The following ASCC3 variants were observed in gnomAD, a reference collection of about 807,000 sequenced individuals.
The protein encoded by ASCC3 is activating signal cointegrator 1 complex subunit 3.
A neutral mutation model predicts 256.3 loss-of-function variants in ASCC3; 158 were observed. The ratio of observed to expected loss-of-function variants is 0.62; its 90% CI spans 0.54 to 0.70. The LOEUF (loss-of-function observed/expected upper bound fraction) is 0.70, where lower values mean the gene tolerates loss of function less well. Ranked by LOEUF, ASCC3 falls within the 30% of genes least tolerant of loss-of-function variation. The pLI is 0.00. For synonymous variants in ASCC3, 948 were observed against 883.4 expected (o/e 1.07, Z -1.30); for missense variants, 2,259 against 2,626.0 (o/e 0.86, Z 3.05).
chr6:100,525,926 T>G (rs1443329328), intron 37 of ASCC3, among the ~76,000 whole-genome samples: 1 of 152,078 alleles, frequency 6.6e-6, no homozygotes, highest in Non-Finnish European at 1.5e-5. Flanking sequence ...CTCCCAGAAG[T>G]TTTACAATGA....
chr6:100,827,981 A>G (rs1354157310), intron 4 of ASCC3, among the ~76,000 whole-genome samples: 1 of 151,890 alleles, frequency 6.6e-6, no homozygotes, highest in African/African-American at 2.4e-5. Flanking sequence ...ACAAGGACTG[A>G]TATTAAACAA....
intron 10 of ASCC3, among the ~76,000 whole-genome samples, chr6:100,762,166 C>T (rs1393137900): frequency 6.6e-6 from 1 of 152,188 alleles, no homozygotes; most frequent in Non-Finnish European, 1.5e-5. Context: ...TCCCTCTATC[C>T]TCAAGCAAAA....
chr6:100,631,318 G>C (rs1035683589), intron 25 of ASCC3, 105 bp from the exon 26 acceptor site: 3 of 817,906 alleles, frequency 3.7e-6, no homozygotes, highest in Middle Eastern at 6.3e-4. Flanking sequence ...AGTGTGGTTT[G>C]AAAATGTATC....
At chr6:100,786,485 A>G (rs998576378) in intron 8 of ASCC3, among the ~76,000 whole-genome samples, 1 of 152,160 alleles carries the variant, frequency 6.6e-6, no homozygotes, top group Admixed American at 6.6e-5. Context: ...CCCTTGATTC[A>G]ACATCTGTAA....
intron 30 of ASCC3, among the ~76,000 whole-genome samples, chr6:100,611,356 G>A (rs891872723): frequency 2.0e-5 from 3 of 151,870 alleles, no homozygotes; most frequent in Non-Finnish European, 4.4e-5. Context: ...CTACTAGGAC[G>A]GCCTATACAA....
intron 20 of ASCC3, among the ~76,000 whole-genome samples, chr6:100,648,514 A>G (rs561900731): frequency 2.6e-5 from 4 of 152,164 alleles, no homozygotes; most frequent in African/African-American, 9.6e-5. Context: ...CACATTTTAT[A>G]TAAGATATGC....
chr6:100,613,076 T>A (rs1039294902), intron 30 of ASCC3, among the ~76,000 whole-genome samples: 2 of 151,760 alleles, frequency 1.3e-5, no homozygotes, highest in African/African-American at 2.4e-5. Flanking sequence ...CTTTCTTTTT[T>A]TTTTCAGGAA....
At position 100,650,592 on chromosome 6, in the gene ASCC3, G is replaced by C. The variant is rs1431831579; in HGVS notation, c.3198C>G (p.Ser1066Arg). The C allele has an allele frequency of 6.2e-7, 1 of 1,612,754 alleles. No homozygotes were observed. The highest frequency in any genetic ancestry group is 8.5e-7 in the Non-Finnish European group (1 of 1,179,094). The change falls in exon 20 of 42, where the codon AGC (serine) becomes AGG (arginine). Residue 1066 changes from serine (S) to arginine (R), a missense_variant. Physicochemically the swap from Ser to Arg is moderately radical, Grantham distance 110. This residue lies in a region of ASCC3 where 1,839 missense variants were observed against 2,206.7 expected (regional missense o/e 0.83). Coordinates refer to ENST00000369162, the MANE Select transcript of ASCC3 (RefSeq NM_006828.4). The stretch of plus-strand genomic sequence containing the variant: ...GGGAGAAACTGTCCATTTCTCCTCG[G>C]CTGATATAAGTTTGAAGTAAGATGT... Reference protein sequence around the residue: ...KINILLQTYISRGEMDSFSLI... With the variant: ...KINILLQTYIRRGEMDSFSLI...
chr6:100,642,516 T>C lies in ASCC3; in HGVS notation c.3901+65A>G, dbSNP rs574062552. ...AACTTTATTACGGTGTAGACATTTT[T>C]CAACATTAATTAAAACAACCATTTT... On this transcript the variant is annotated intron_variant, in intron 24 of 41. Transcript: ENST00000369162. 7.1e-6 allele frequency: 11 copies of C among 1,541,390 alleles called. No homozygotes were observed. In the South Asian group the frequency reaches 1.2e-4, roughly 17 times the overall value.
At chr6:100,512,004 A>T (rs2114601639) in intron 40 of ASCC3, among the ~76,000 whole-genome samples, 1 of 152,332 alleles carries the variant, frequency 6.6e-6, no homozygotes, top group South Asian at 2.1e-4. Flanking sequence ...TTATTATGGC[A>T]CTAAAAACCA....
intron 4 of ASCC3, among the ~76,000 whole-genome samples, chr6:100,818,562 C>T (rs1186085689): frequency 8.4e-6 from 1 of 118,464 alleles, no homozygotes; most frequent in Non-Finnish European, 1.8e-5. Context: ...GGGCAAGACT[C>T]CGTCTCAAAA....
intron 37 of ASCC3, among the ~76,000 whole-genome samples, chr6:100,536,356 C>G (rs1293859717): frequency 1.3e-5 from 2 of 152,184 alleles, no homozygotes; most frequent in Admixed American, 6.5e-5. Context: ...CACACATACA[C>G]ACGGGAGGTA....
intron 38 of ASCC3, 84 bp downstream of exon 38, chr6:100,517,907 C>T: frequency 7.0e-7 from 1 of 1,424,432 alleles, no homozygotes; most frequent in Non-Finnish European, 9.7e-7. Context: ...TTCTCCATAA[C>T]ATAAAATTTC....
At chr6:100,523,012 C>T (rs78443382) in intron 37 of ASCC3, among the ~76,000 whole-genome samples, 2 of 147,472 alleles carry the variant, frequency 1.4e-5, no homozygotes, top group East Asian at 4.0e-4. Flanking sequence ...ACTAGATAAA[C>T]TGAAACTTTG....
In ASCC3 at chr6:100,610,155, T is replaced by A. The variant is rs1773321980; in HGVS notation, c.4786-3067A>T. Among the ~76,000 whole-genome samples, 6 of 152,276 alleles carry A rather than the reference T, an allele frequency of 3.9e-5. No homozygotes were observed. In the South Asian group the frequency reaches 1.2e-3, roughly 32 times the overall value. On this transcript the variant is annotated intron_variant, in intron 30 of 41. Transcript: ENST00000369162. ...GGAGAAGTAACTTGGAAATAGTAAA[T>A]GCATAACTTTTATATGCCTGAGATA...
At chr6:100,580,432 T>C (rs796776524) in intron 36 of ASCC3, among the ~76,000 whole-genome samples, 5 of 152,126 alleles carry the variant, frequency 3.3e-5, no homozygotes, top group Admixed American at 6.6e-5. Context: ...AATAATGGGT[T>C]TATATATTTA....
chr6:100,603,167 A>G (rs1017550077), intron 33 of ASCC3, among the ~76,000 whole-genome samples: 1 of 152,130 alleles, frequency 6.6e-6, no homozygotes, highest in African/African-American at 2.4e-5. Flanking sequence ...ACATTAATAG[A>G]GAAATGAATA....
At chr6:100,821,681 G>C (rs891461789) in intron 4 of ASCC3, among the ~76,000 whole-genome samples, 1 of 151,868 alleles carries the variant, frequency 6.6e-6, no homozygotes, top group African/African-American at 2.4e-5. Context: ...AAAGTTAGCT[G>C]GGCGTGGTGG....
intron 10 of ASCC3, among the ~76,000 whole-genome samples, chr6:100,749,399 G>A (rs145374144): frequency 1.9e-3 from 282 of 151,868 alleles, no homozygotes; most frequent in African/African-American, 6.4e-3. Flanking sequence ...GATTAAAAGG[G>A]TATATACTAA....
Sources: gnomAD v4.1 joint callset for allele counts (sites outside exome capture counted in the v4.1 genomes callset) on GRCh38, gnomAD v4.1.1 for gene constraint, gnomAD v4.1.1 regional missense constraint, MANE v1.5 for transcripts, NCBI Gene and HGNC (gene_info 2026-07-23, HGNC 2026-07-21) for gene names.